Variants in TRAPPC9 observed in about 807,000 individuals in gnomAD.
TRAPPC9 encodes trafficking protein particle complex subunit 9, also known as IKK2 binding protein.
Under a neutral mutation model 124.0 loss-of-function variants are expected in TRAPPC9, and 83 were observed. The observed-to-expected ratio is 0.67, with a 90% confidence interval of 0.56 to 0.80. The LOEUF is 0.80. Among genes scored for constraint, TRAPPC9 ranks in the 30% least tolerant of loss-of-function variants. The pLI is 0.00. For missense variants in TRAPPC9, 1,302 were observed against 1,508.3 expected (o/e 0.86, Z 2.27); for synonymous variants, 638 against 617.5 (o/e 1.03, Z -0.49).
intron 2 of TRAPPC9, among the ~76,000 whole-genome samples, chr8:140,442,914 C>T (rs2132651017): frequency 6.6e-6 from 1 of 151,912 alleles, no homozygotes; most frequent in South Asian, 2.1e-4. Context: ...GCAGGCGGAT[C>T]ACAAAGTTAA....
chr8:140,041,106 G>A (rs1004420448), intron 17 of TRAPPC9: 2 of 152,148 alleles, frequency 1.3e-5, no homozygotes, highest in Non-Finnish European at 2.9e-5. Context: ...AATAGCAGAA[G>A]AGAAAAACAA....
At chr8:140,011,443 T>C (rs1587486690) in intron 18 of TRAPPC9, among the ~76,000 whole-genome samples, 1 of 151,620 alleles carries the variant, frequency 6.6e-6, no homozygotes, top group South Asian at 2.1e-4. Context: ...TGGGTGTCTA[T>C]GTGAGATGAT....
chr8:140,427,362 A>G (rs56740788), intron 4 of TRAPPC9, among the ~76,000 whole-genome samples: 61 of 150,600 alleles, frequency 4.1e-4, no homozygotes, highest in African/African-American at 1.5e-3. Flanking sequence ...ACATCTCTCT[A>G]TATATATATC....
At chr8:140,284,369 C>T (rs1038889592) in intron 13 of TRAPPC9, among the ~76,000 whole-genome samples, 12 of 152,166 alleles carry the variant, frequency 7.9e-5, no homozygotes, top group African/African-American at 1.2e-4. Context: ...ATCTCTAAAA[C>T]GAGAATGTTA....
intron 14 of TRAPPC9, among the ~76,000 whole-genome samples, chr8:140,276,827 T>C (rs2065138444): frequency 6.6e-5 from 10 of 152,070 alleles, no homozygotes; most frequent in Admixed American, 6.6e-4. Context: ...GCCAACATGT[T>C]CTCCTGGGGC....
At chr8:139,991,798 G>A (rs372578337) in intron 18 of TRAPPC9, among the ~76,000 whole-genome samples, 50 of 152,120 alleles carry the variant, frequency 3.3e-4, no homozygotes, top group African/African-American at 1.1e-3. Flanking sequence ...CAGGCTGCCA[G>A]GTGAAAAAAA....
intron 21 of TRAPPC9, among the ~76,000 whole-genome samples, chr8:139,875,497 AG>A (rs1829261781): frequency 6.6e-6 from 1 of 152,208 alleles, no homozygotes; most frequent in Non-Finnish European, 1.5e-5. Context: ...TTCAAAAAGA[AG>A]GTAACTACTT....
At chr8:140,270,557 C>A (rs140133575) in intron 15 of TRAPPC9, among the ~76,000 whole-genome samples, 1 of 152,310 alleles carries the variant, frequency 6.6e-6, no homozygotes, top group Non-Finnish European at 1.5e-5. Context: ...AATAAAGAAG[C>A]CATCACCATA....
intron 2 of TRAPPC9, among the ~76,000 whole-genome samples, chr8:140,449,643 A>G (rs954687155): frequency 6.6e-6 from 1 of 152,198 alleles, no homozygotes; most frequent in Non-Finnish European, 1.5e-5. Flanking sequence ...GCTGTTTAGG[A>G]GCTCCCAGGT....
rs1244035008 is a variant in TRAPPC9 at position 140,024,060 on chromosome 8, T to G, written c.2576A>C (p.Asn859Thr). 1.9e-6 allele frequency: 3 copies of G among 1,613,712 alleles called. No homozygotes were observed. The highest frequency in any genetic ancestry group is 2.2e-5 in the South Asian group (2 of 91,044). ...GCCCGGGCCTCCAGAGTATTTGAAA[T>G]TCAGGACAGCTTCCAGGGTCTAAAA... ...SHVKTLEAVLNFKYSGGPGHT... is the reference protein window; with the variant it reads ...SHVKTLEAVLTFKYSGGPGHT... Residue 859 changes from asparagine (N) to threonine (T), a missense_variant, in exon 18 of 23, where the codon AAT (asparagine) becomes ACT (threonine). Around this residue, in one of 3 missense-constraint regions of TRAPPC9, gnomAD observed 640 missense variants for 679.3 expected, o/e 0.94. Coordinates refer to ENST00000438773, the MANE Select transcript of TRAPPC9 (RefSeq NM_001160372.4).
chr8:140,149,066 G>GC, intron 17 of TRAPPC9, among the ~76,000 whole-genome samples: 1 of 152,256 alleles, frequency 6.6e-6, no homozygotes, highest in Non-Finnish European at 1.5e-5. Flanking sequence ...GCTTTGCTGG[G>GC]CTAAACCAGT....
At chr8:140,006,038 G>A (rs1040839173) in intron 18 of TRAPPC9, among the ~76,000 whole-genome samples, 2 of 152,038 alleles carry the variant, frequency 1.3e-5, no homozygotes, top group South Asian at 4.1e-4. Flanking sequence ...ACTGTGAAAA[G>A]TTGTCACAAC....
intron 9 of TRAPPC9, among the ~76,000 whole-genome samples, chr8:140,312,903 G>A (rs1259349336): frequency 6.6e-6 from 1 of 152,004 alleles, no homozygotes; most frequent in African/African-American, 2.4e-5. Flanking sequence ...GAGACTACAG[G>A]CATGTGTCAC....
chr8:139,947,912 A>ATATATATATATATATG (rs1834354546), intron 19 of TRAPPC9, among the ~76,000 whole-genome samples: 1 of 58,398 alleles, frequency 1.7e-5, no homozygotes, highest in African/African-American at 7.1e-5. Flanking sequence ...ATATATAGAG[A>ATATATATATATATATG]GAGAGAGAGA....
chr8:139,823,899 C>A (rs1174057533), intron 21 of TRAPPC9, among the ~76,000 whole-genome samples: 1 of 152,214 alleles, frequency 6.6e-6, no homozygotes, highest in Non-Finnish European at 1.5e-5. Flanking sequence ...GCCCTCTCAC[C>A]CACCCTTGGC....
chr8:140,357,712 G>A lies in TRAPPC9; in HGVS notation c.1495+2338C>T, dbSNP rs543465776. Among the ~76,000 whole-genome samples, 15 of 152,272 alleles carry A rather than the reference G, an allele frequency of 9.9e-5. 1 individual carries two copies. The highest frequency in any genetic ancestry group is 2.2e-4 in the African/African-American group (9 of 41,564). On this transcript the variant is annotated intron_variant, in intron 9 of 22. Transcript: ENST00000438773. ...CCACAGTCACCCCAGCAGGAGACAC[G>A]GGTGGCTCTGGGAGCTCTGCCTCGG... is the stretch of plus-strand genomic sequence containing the variant.
intron 17 of TRAPPC9, among the ~76,000 whole-genome samples, chr8:140,165,298 A>C (rs2061815485): frequency 6.6e-6 from 1 of 151,952 alleles, no homozygotes; most frequent in African/African-American, 2.4e-5. Context: ...CCAAGATCGC[A>C]CCACTATACT....
intron 17 of TRAPPC9, among the ~76,000 whole-genome samples, chr8:140,213,961 C>T (rs767036982): frequency 2.0e-4 from 30 of 152,216 alleles, no homozygotes; most frequent in African/African-American, 6.8e-4. Flanking sequence ...TGTTCACAGT[C>T]GTTCCAGCCA....
At chr8:140,441,876 T>C (rs1564026223) in intron 2 of TRAPPC9, among the ~76,000 whole-genome samples, 2 of 151,290 alleles carry the variant, frequency 1.3e-5, no homozygotes, top group African/African-American at 2.4e-5. Context: ...ACAAAAAAAA[T>C]TGTTTTAAGT....
Sources: gnomAD v4.1 joint callset for allele counts (sites outside exome capture counted in the v4.1 genomes callset) on GRCh38, gnomAD v4.1.1 for gene constraint, gnomAD v4.1.1 regional missense constraint, MANE v1.5 for transcripts, NCBI Gene and HGNC (gene_info 2026-07-23, HGNC 2026-07-21) for gene names.